The following ANOS1 variants were observed in gnomAD, a reference collection of about 807,000 sequenced individuals.
ANOS1 encodes anosmin 1, also known as anosmin-1.
Under a neutral mutation model 59.0 loss-of-function variants are expected in ANOS1, and 6 were observed. The ratio of observed to expected loss-of-function variants is 0.10; its 90% CI spans 0.06 to 0.20. ANOS1 has a LOEUF of 0.20. Among genes scored for constraint, ANOS1 ranks in the 10% least tolerant of loss-of-function variants. The pLI, the probability that ANOS1 is intolerant of heterozygous loss-of-function variation, is 1.00. For synonymous variants in ANOS1, 217 were observed against 223.4 expected (o/e 0.97, Z 0.25); for missense variants, 433 against 542.3 (o/e 0.80, Z 2.00).
intron 6 of ANOS1, among the ~76,000 whole-genome samples, chrX:8,582,939 G>C (rs953304408): frequency 5.4e-5 from 6 of 111,774 alleles, no homozygotes; most frequent in Admixed American, 9.5e-5. Context: ...TGTTTAGAGT[G>C]GAGAATGACT....
intron 2 of ANOS1, among the ~76,000 whole-genome samples, chrX:8,630,407 G>A: frequency 9.0e-6 from 1 of 111,378 alleles, no homozygotes; most frequent in Middle Eastern, 4.6e-3. Context: ...TACAGCCTGG[G>A]TGACAGAGTA....
rs759021181 is a variant in ANOS1 at position 8,673,315 on chromosome X, T to C, written c.255+26383A>G. ...ATTTTCTTTGCTTACTGATGTCATC[T>C]AGAATGACGCTTTTGTTGTTCTTTT... On this transcript the variant is annotated intron_variant, in intron 2 of 13. Coordinates refer to ENST00000262648, the MANE Select transcript of ANOS1 (RefSeq NM_000216.4). Among the ~76,000 whole-genome samples, 6 of 106,669 alleles carry C rather than the reference T, an allele frequency of 5.6e-5. No homozygotes were observed. The South Asian group carries it at 2.5e-3, about 45-fold the overall frequency. The allele number at this position is 106,669 out of a possible 115,157, so 92.6% of individuals were successfully genotyped here. A position where few individuals can be genotyped will look rare whatever the true frequency, so the allele number is the denominator to read the frequency against.
At position 8,647,392 on chromosome X, in the gene ANOS1, C is replaced by A. The variant is rs142081984; in HGVS notation, c.256-23722G>T. Among the ~76,000 whole-genome samples, 8 of 111,369 alleles carry A rather than the reference C, an allele frequency of 7.2e-5. No individual in the cohort carries two copies. The East Asian group carries it at 2.0e-3, about 28-fold the overall frequency. On this transcript the variant is annotated intron_variant, in intron 2 of 13. Coordinates refer to ENST00000262648, the MANE Select transcript of ANOS1 (RefSeq NM_000216.4). Reference sequence around the variant, plus strand: ...AGTCTTTCTGGTTATGACTCAGAACCCTCATCTCCACAATATTGATTTCCC... The same window carrying A: ...AGTCTTTCTGGTTATGACTCAGAACACTCATCTCCACAATATTGATTTCCC...
At chrX:8,673,985 GTCTC>G (rs1932296260) in intron 2 of ANOS1, among the ~76,000 whole-genome samples, 1 of 111,083 alleles carries the variant, frequency 9.0e-6, no homozygotes, top group African/African-American at 3.3e-5. Context: ...TTGCTTTACT[GTCTC>G]TCTCTACCCA....
intron 3 of ANOS1, among the ~76,000 whole-genome samples, chrX:8,610,937 A>C (rs1208951697): frequency 8.9e-6 from 1 of 112,132 alleles, no homozygotes; most frequent in Non-Finnish European, 1.9e-5. Context: ...AAAATAATCC[A>C]GTGTGCAAAG....
chrX:8,566,498 G>T (rs1485812355), intron 8 of ANOS1, among the ~76,000 whole-genome samples: 1 of 110,854 alleles, frequency 9.0e-6, no homozygotes, highest in African/African-American at 3.3e-5. Context: ...TATACAGTAC[G>T]TATATATAGT....
At chrX:8,552,760 AAT>A (rs1189214499) in intron 9 of ANOS1, among the ~76,000 whole-genome samples, 13 of 110,452 alleles carry the variant, frequency 1.2e-4, no homozygotes, top group African/African-American at 2.9e-4. Context: ...TTTAAATATG[AAT>A]ATGTTGATAT....
At chrX:8,585,209 C>T in intron 6 of ANOS1, 58 bp downstream of exon 6, 8 of 1,138,457 alleles carry the variant, frequency 7.0e-6, no homozygotes, top group Non-Finnish European at 6.0e-6. Context: ...ATCTGCATTC[C>T]ATGTGTGCCT....
intron 3 of ANOS1, among the ~76,000 whole-genome samples, chrX:8,617,511 T>C (rs776894403): frequency 4.3e-4 from 48 of 111,721 alleles, no homozygotes; most frequent in African/African-American, 1.4e-3. Flanking sequence ...CCAGGCGCAG[T>C]GGCTCACGCC....
At chrX:8,656,448 G>A (rs1045039829) in intron 2 of ANOS1, among the ~76,000 whole-genome samples, 1 of 111,229 alleles carries the variant, frequency 9.0e-6, no homozygotes, top group Non-Finnish European at 1.9e-5. Context: ...TTCATGATAC[G>A]AGTCAGCCAT....
At chrX:8,691,396 A>G (rs1932604958) in intron 2 of ANOS1, among the ~76,000 whole-genome samples, 1 of 112,144 alleles carries the variant, frequency 8.9e-6, no homozygotes, top group South Asian at 3.7e-4. Flanking sequence ...GAAATGTACC[A>G]AAGATTTTAT....
chrX:8,621,929 T>C (rs112604219), intron 3 of ANOS1, among the ~76,000 whole-genome samples: 1 of 112,055 alleles, frequency 8.9e-6, no homozygotes, highest in African/African-American at 3.2e-5. Context: ...AATGAATGAA[T>C]AGATATTTTT....
chrX:8,681,927 T>G (rs1272905743), intron 2 of ANOS1, among the ~76,000 whole-genome samples: 2 of 111,535 alleles, frequency 1.8e-5, no homozygotes, highest in African/African-American at 6.5e-5. Flanking sequence ...GTCAAATTAC[T>G]CCTAATGTAA....
chrX:8,545,793 C>T (rs1490046544), intron 9 of ANOS1, among the ~76,000 whole-genome samples: 3 of 112,200 alleles, frequency 2.7e-5, no homozygotes, highest in Non-Finnish European at 5.6e-5. Flanking sequence ...CCCACCATCA[C>T]TTTTAGGAAA....
intron 1 of ANOS1, among the ~76,000 whole-genome samples, chrX:8,720,277 G>A (rs1338857956): frequency 3.6e-5 from 4 of 111,216 alleles, no homozygotes; most frequent in Non-Finnish European, 7.5e-5. Context: ...CAGCAACACA[G>A]CCAAGAATGA....
At chrX:8,721,005 A>G (rs930470015) in intron 1 of ANOS1, among the ~76,000 whole-genome samples, 6 of 112,100 alleles carry the variant, frequency 5.4e-5, no homozygotes, top group Admixed American at 1.9e-4. Flanking sequence ...GGGCCTCACA[A>G]TCTAAGATAC....
intron 2 of ANOS1, among the ~76,000 whole-genome samples, chrX:8,682,637 C>T (rs188686369): frequency 1.8e-3 from 204 of 111,188 alleles, no homozygotes; most frequent in African/African-American, 6.3e-3. Context: ...CTGATTAATT[C>T]CTGAACTGAA....
intron 2 of ANOS1, among the ~76,000 whole-genome samples, chrX:8,695,848 G>A (rs762304630): frequency 7.6e-4 from 85 of 111,162 alleles, no homozygotes; most frequent in African/African-American, 2.1e-3. Context: ...TAATTCCACC[G>A]GAACTCAGTT....
chrX:8,556,338 C>T (rs1167527154), intron 8 of ANOS1, among the ~76,000 whole-genome samples: 1 of 111,803 alleles, frequency 8.9e-6, no homozygotes, highest in Non-Finnish European at 1.9e-5. Flanking sequence ...CCAGGGCAAT[C>T]AGGCAAGAGA....
Sources: gnomAD v4.1 joint callset for allele counts (sites outside exome capture counted in the v4.1 genomes callset) on GRCh38, gnomAD v4.1.1 for gene constraint, MANE v1.5 for transcripts, NCBI Gene and HGNC (gene_info 2026-07-23, HGNC 2026-07-21) for gene names.